MED27: variants seen among roughly 807,000 people sequenced by gnomAD.
The protein encoded by MED27 is mediator complex subunit 27, also known as mediator of RNA polymerase II transcription subunit 27.
Under a neutral mutation model 38.2 loss-of-function variants are expected in MED27, and 30 were observed. That is an observed-to-expected ratio of 0.79 (90% CI 0.59 to 1.07). MED27 has a LOEUF of 1.07. MED27 is among the 50% of genes least tolerant of loss of function. The pLI is 0.00. For synonymous variants in MED27, 122 were observed against 153.5 expected, an observed-to-expected ratio of 0.79 and a Z score of 1.52; for missense variants, 289 against 397.5, an observed-to-expected ratio of 0.73 and a Z score of 2.32.
At chr9:132,029,916 C>G (rs1250956761) in intron 2 of MED27, among the ~76,000 whole-genome samples, 1 of 152,030 alleles carries the variant, frequency 6.6e-6, no homozygotes, top group African/African-American at 2.4e-5. Context: ...AATTGCAAAT[C>G]AAGGTATACA....
chr9:132,035,286 T>C (rs181608968), intron 2 of MED27, among the ~76,000 whole-genome samples: 1 of 152,198 alleles, frequency 6.6e-6, no homozygotes, highest in Non-Finnish European at 1.5e-5. Context: ...TAATGAATAA[T>C]GAATATTAAT....
intron 2 of MED27, among the ~76,000 whole-genome samples, chr9:132,042,962 T>A (rs910172334): frequency 2.6e-5 from 4 of 152,184 alleles, no homozygotes; most frequent in African/African-American, 7.2e-5. Context: ...AGATATCCCA[T>A]AGACCATAGG....
intron 6 of MED27, among the ~76,000 whole-genome samples, chr9:131,879,215 T>C (rs1273029700): frequency 6.6e-6 from 1 of 152,176 alleles, no homozygotes; most frequent in Non-Finnish European, 1.5e-5. Flanking sequence ...CCTCCTGACA[T>C]TGTTTGCCAG....
At chr9:132,029,919 G>A (rs1453980214) in intron 2 of MED27, among the ~76,000 whole-genome samples, 2 of 152,138 alleles carry the variant, frequency 1.3e-5, no homozygotes, top group Non-Finnish European at 2.9e-5. Flanking sequence ...TGCAAATCAA[G>A]GTATACAGGC....
chr9:132,051,277 G>A lies in MED27; in HGVS notation c.348+26165C>T, dbSNP rs1190112097. ...TTTGCATTCCAGTAAGCTTTCCTGA[G>A]TGGGAAAGAAAGGGGTAGAATTACA... On this transcript the variant is annotated intron_variant, in intron 2 of 7. Transcript: ENST00000292035. The surrounding 1 kb of genome is among the most constrained non-coding windows in gnomAD (Gnocchi z 4.2). Among the ~76,000 whole-genome samples the A allele has an allele frequency of 6.6e-6, 1 of 152,242 alleles. No individual in the cohort carries two copies. Among genetic ancestry groups the A allele is most frequent in the Non-Finnish European group, 1.5e-5 (1 of 68,042 alleles).
chr9:131,951,703 AAAT>A (rs1206615888), intron 3 of MED27, among the ~76,000 whole-genome samples: 1 of 152,266 alleles, frequency 6.6e-6, no homozygotes, highest in African/African-American at 2.4e-5. Context: ...CAAAATAGGC[AAAT>A]AATGGTATTA....
At chr9:132,027,923 C>T (rs1283733722) in intron 2 of MED27, among the ~76,000 whole-genome samples, 3 of 152,188 alleles carry the variant, frequency 2.0e-5, no homozygotes, top group Admixed American at 2.0e-4. Context: ...GTGTACTGGG[C>T]ACAGCACCCA....
intron 2 of MED27, among the ~76,000 whole-genome samples, chr9:132,038,263 C>T (rs1457144623): frequency 2.1e-5 from 3 of 144,336 alleles, no homozygotes; most frequent in African/African-American, 7.9e-5. Flanking sequence ...GGGATCTCGG[C>T]TCACTGCAAG....
rs182010719 is a variant in MED27 at position 132,026,788 on chromosome 9, T to A, written c.349-12321A>T. ...CTTGGCCTATCAATAAAAAAAAAAA[T>A]AATAACATTAGCTAATGTGTATACA... On this transcript the variant is annotated intron_variant, in intron 2 of 7. Coordinates refer to ENST00000292035, the MANE Select transcript of MED27 (RefSeq NM_004269.4). Among the ~76,000 whole-genome samples the A allele has an allele frequency of 3.2e-3, 484 of 152,122 alleles. 1 individual carries two copies. Among genetic ancestry groups the A allele is most frequent in the Middle Eastern group, 6.8e-3 (2 of 294 alleles).
At chr9:132,037,229 C>T (rs556646814) in intron 2 of MED27, among the ~76,000 whole-genome samples, 10 of 152,214 alleles carry the variant, frequency 6.6e-5, no homozygotes, top group African/African-American at 1.2e-4. Context: ...AGTCACAACG[C>T]GAATAAACAC....
At chr9:131,888,036 G>T (rs1019746157) in intron 5 of MED27, among the ~76,000 whole-genome samples, 2 of 151,954 alleles carry the variant, frequency 1.3e-5, no homozygotes, top group African/African-American at 4.8e-5. Context: ...AGGAAGAACT[G>T]GTGAAAATGG....
At chr9:132,023,204 C>T (rs1312000488) in intron 2 of MED27, among the ~76,000 whole-genome samples, 1 of 151,230 alleles carries the variant, frequency 6.6e-6, no homozygotes, top group Non-Finnish European at 1.5e-5. Flanking sequence ...TTCTCTTTTT[C>T]CCCCCCAAAA....
intron 6 of MED27, among the ~76,000 whole-genome samples, chr9:131,866,882 G>A (rs1838745588): frequency 6.6e-6 from 1 of 152,172 alleles, no homozygotes; most frequent in Admixed American, 6.5e-5. Context: ...CCCGGTGTCT[G>A]CCTCCTTTCC....
At chr9:132,075,051 T>G (rs1834015143) in intron 2 of MED27, among the ~76,000 whole-genome samples, 1 of 152,210 alleles carries the variant, frequency 6.6e-6, no homozygotes, top group African/African-American at 2.4e-5. Flanking sequence ...ATTTGCCATC[T>G]CCACCCTTTG....
chr9:131,947,872 G>A (rs1830914066), intron 3 of MED27, among the ~76,000 whole-genome samples: 1 of 152,144 alleles, frequency 6.6e-6, no homozygotes, highest in Admixed American at 6.5e-5. Context: ...CCACCTTTTG[G>A]GGAAAAGGGT....
chr9:132,033,214 T>C (rs1018143834), intron 2 of MED27, among the ~76,000 whole-genome samples: 1 of 152,204 alleles, frequency 6.6e-6, no homozygotes, highest in African/African-American at 2.4e-5. Context: ...GACCTGGTAT[T>C]GTCTGTAAAG....
intron 3 of MED27, among the ~76,000 whole-genome samples, chr9:131,959,477 C>T (rs1245699704): frequency 2.6e-5 from 4 of 152,124 alleles, no homozygotes; most frequent in South Asian, 4.1e-4. Flanking sequence ...ATCCTGGCGC[C>T]GCTCTGGAAA....
At chr9:132,043,116 T>A (rs1003354874) in intron 2 of MED27, among the ~76,000 whole-genome samples, 14 of 152,016 alleles carry the variant, frequency 9.2e-5, no homozygotes, top group African/African-American at 3.4e-4. Context: ...CCAATAAAGT[T>A]AAATCTATAT....
intron 3 of MED27, among the ~76,000 whole-genome samples, chr9:131,961,846 A>G (rs1432846476): frequency 6.6e-6 from 1 of 152,198 alleles, no homozygotes; most frequent in East Asian, 1.9e-4. Context: ...GTGCACCCTT[A>G]GCGCTATTTT....
Sources: allele counts gnomAD v4.1 joint callset (sites outside exome capture counted in the v4.1 genomes callset), GRCh38; gene constraint gnomAD v4.1.1; non-coding constraint Gnocchi (gnomAD v3.1); transcripts MANE v1.5; gene names NCBI Gene and HGNC (gene_info 2026-07-23, HGNC 2026-07-21).